Variants in ZMYM4 observed in about 807,000 individuals in gnomAD.
The protein encoded by ZMYM4 is zinc finger MYM-type protein 4.
In ZMYM4, 31 loss-of-function variants were observed where a neutral mutation model predicts 183.2. The ratio of observed to expected loss-of-function variants is 0.17; its 90% CI spans 0.13 to 0.23. The LOEUF (loss-of-function observed/expected upper bound fraction) is 0.23, where lower values mean the gene tolerates loss of function less well. ZMYM4 is among the 10% of genes least tolerant of loss of function. ZMYM4 has a pLI of 1.00. For synonymous variants in ZMYM4, 592 were observed against 631.2 expected (o/e 0.94, Z 0.93); for missense variants, 1,273 against 1,840.3 (o/e 0.69, Z 5.64).
chr1:35,323,719 A>AT (rs1281281502), intron 1 of ZMYM4, among the ~76,000 whole-genome samples: 1 of 151,702 alleles, frequency 6.6e-6, no homozygotes, highest in African/African-American at 2.4e-5. Flanking sequence ...TGTCCGGCTA[A>AT]TTTTTTTGTA....
chr1:35,356,310 C>G (rs1643817406), intron 2 of ZMYM4, among the ~76,000 whole-genome samples: 1 of 152,156 alleles, frequency 6.6e-6, no homozygotes, highest in South Asian at 2.1e-4. Flanking sequence ...CACTATAGAA[C>G]TCATTGTTCT....
chr1:35,341,912 A>G (rs1423334434), intron 2 of ZMYM4, among the ~76,000 whole-genome samples: 1 of 152,166 alleles, frequency 6.6e-6, no homozygotes. Flanking sequence ...AATAATATTC[A>G]TATTTATATA....
At chr1:35,312,899 A>G (rs1048252886) in intron 1 of ZMYM4, among the ~76,000 whole-genome samples, 2 of 151,694 alleles carry the variant, frequency 1.3e-5, no homozygotes, top group African/African-American at 4.8e-5. Flanking sequence ...TTTTATTATT[A>G]TTATTGTTTT....
chr1:35,338,648 T>A (rs1183598337), intron 2 of ZMYM4, among the ~76,000 whole-genome samples: 2 of 152,238 alleles, frequency 1.3e-5, no homozygotes, highest in Admixed American at 1.3e-4. Context: ...ATTAGACTTT[T>A]AATCTTTGTC....
rs28854334 is a variant in ZMYM4 at position 35,319,131 on chromosome 1, C to T, written c.40-6229C>T. The stretch of plus-strand genomic sequence containing the variant: ...CCGACCTCAGGTGATCAGCCCGCCT[C>T]GGCCTCCCAAAATGCTGGGATTACA... On this transcript the variant is annotated intron_variant, in intron 1 of 29. Coordinates refer to ENST00000314607, the MANE Select transcript of ZMYM4 (RefSeq NM_005095.3). Among the ~76,000 whole-genome samples, 14 of 152,170 alleles carry T rather than the reference C, an allele frequency of 9.2e-5. No individual in the cohort carries two copies. In the East Asian group the frequency reaches 1.6e-3, roughly 17 times the overall value.
At chr1:35,309,163 T>C in intron 1 of ZMYM4, 1 of 498,868 alleles carries the variant, frequency 2.0e-6, no homozygotes, top group Non-Finnish European at 2.6e-6. Flanking sequence ...ACTGTTGACA[T>C]TTTATAATAT....
chr1:35,285,484 T>G (rs1311617491), intron 1 of ZMYM4, among the ~76,000 whole-genome samples: 1 of 152,132 alleles, frequency 6.6e-6, no homozygotes, highest in Admixed American at 6.5e-5. Context: ...CAGTCTGTCC[T>G]TTGTATCTAT....
At chr1:35,385,638 A>G (rs1486685284) in intron 10 of ZMYM4, 46 bp downstream of exon 10, 1 of 1,551,774 alleles carries the variant, frequency 6.4e-7, no homozygotes, top group African/African-American at 1.4e-5. Flanking sequence ...TTGAAAAATA[A>G]TGGTTATTGC....
At chr1:35,351,367 A>C in intron 2 of ZMYM4, 1 of 1,574,854 alleles carries the variant, frequency 6.3e-7, no homozygotes, top group Non-Finnish European at 8.7e-7. Flanking sequence ...GAAGATGAAG[A>C]TGCTTACAAG....
chr1:35,342,774 G>A (rs986170589), intron 2 of ZMYM4, among the ~76,000 whole-genome samples: 1 of 151,980 alleles, frequency 6.6e-6, no homozygotes, highest in Admixed American at 6.6e-5. Context: ...GGGCTCAGGT[G>A]ATCCTCCCAC....
chr1:35,311,596 CTG>C (rs1196910133), intron 1 of ZMYM4, among the ~76,000 whole-genome samples: 2 of 151,676 alleles, frequency 1.3e-5, no homozygotes, highest in South Asian at 2.1e-4. Context: ...CAGAGGGAGA[CTG>C]TGTCTCAAAA....
At chr1:35,352,263 GCGCGCGCACA>G (rs1558058466) in intron 2 of ZMYM4, among the ~76,000 whole-genome samples, 1 of 69,420 alleles carries the variant, frequency 1.4e-5, no homozygotes, top group African/African-American at 7.5e-5. Flanking sequence ...GCGCGCACGC[GCGCGCGCACA>G]CACACACACA....
intron 24 of ZMYM4, 57 bp from the exon 25 acceptor site, chr1:35,405,315 AT>A: frequency 6.3e-7 from 1 of 1,579,216 alleles, no homozygotes; most frequent in Non-Finnish European, 8.6e-7. Flanking sequence ...GCTTTACTTA[AT>A]TTTTTCCGCA....
chr1:35,300,548 A>G (rs1641233861), intron 1 of ZMYM4, among the ~76,000 whole-genome samples: 1 of 152,142 alleles, frequency 6.6e-6, no homozygotes, highest in South Asian at 2.1e-4. Flanking sequence ...AGTTATATGT[A>G]TATTATATCA....
chr1:35,288,938 T>C (rs1640631631), intron 1 of ZMYM4, among the ~76,000 whole-genome samples: 1 of 152,208 alleles, frequency 6.6e-6, no homozygotes, highest in East Asian at 1.9e-4. Context: ...GTAGAACAAA[T>C]AGACCATTAG....
chr1:35,298,406 G>A (rs534945963), intron 1 of ZMYM4, among the ~76,000 whole-genome samples: 1 of 152,160 alleles, frequency 6.6e-6, no homozygotes, highest in African/African-American at 2.4e-5. Context: ...AGGATACTGT[G>A]TCTCAAAAAA....
At position 35,389,336 on chromosome 1, in the gene ZMYM4, A is replaced by G. The variant is rs879650701; in HGVS notation, c.2436+254A>G. Among the ~76,000 whole-genome samples, 30 of 152,166 alleles carry G rather than the reference A, an allele frequency of 2.0e-4. No homozygotes were observed. The highest frequency in any genetic ancestry group is 3.5e-4 in the Non-Finnish European group (24 of 68,014). On this transcript the variant is annotated intron_variant, in intron 14 of 29. Coordinates refer to ENST00000314607, the MANE Select transcript of ZMYM4 (RefSeq NM_005095.3). This position sits in a 1 kb window ranked among gnomAD's most constrained non-coding sequence, Gnocchi z 4.0. ...TTTAAACTTATAATTTTATTCACTT[A>G]TTATTTAAATAAAGTGAATTTGTCT...
chr1:35,314,610 A>G (rs1398311689), intron 1 of ZMYM4, among the ~76,000 whole-genome samples: 2 of 144,832 alleles, frequency 1.4e-5, no homozygotes, highest in African/African-American at 2.5e-5. Flanking sequence ...GGGTAAATAT[A>G]GTATTTTATA....
intron 2 of ZMYM4, among the ~76,000 whole-genome samples, chr1:35,354,175 T>A (rs546810135): frequency 7.2e-5 from 11 of 152,094 alleles, no homozygotes; most frequent in African/African-American, 2.7e-4. Context: ...AAAAAAGAAA[T>A]TGACATCTCT....
Sources: allele counts gnomAD v4.1 joint callset (sites outside exome capture counted in the v4.1 genomes callset), GRCh38; gene constraint gnomAD v4.1.1; non-coding constraint Gnocchi (gnomAD v3.1); transcripts MANE v1.5; gene names NCBI Gene and HGNC (gene_info 2026-07-23, HGNC 2026-07-21).